Variants in GRID1 observed in about 807,000 individuals in gnomAD.
GRID1 encodes the protein glutamate ionotropic receptor delta type subunit 1.
GRID1 carries 28 observed loss-of-function variants against 98.0 expected under a neutral mutation model. The ratio of observed to expected loss-of-function variants is 0.29; its 90% CI spans 0.21 to 0.39. GRID1 has a LOEUF of 0.39. Ranked by LOEUF, GRID1 falls within the 10% of genes least tolerant of loss-of-function variation. The pLI, the probability that GRID1 is intolerant of heterozygous loss-of-function variation, is 1.00. For synonymous variants in GRID1, 553 were observed against 538.5 expected, an observed-to-expected ratio of 1.03 and a Z score of -0.37; for missense variants, 1,111 against 1,340.5, an observed-to-expected ratio of 0.83 and a Z score of 2.67.
chr10:85,869,003 C>T lies in GRID1; in HGVS notation c.951+7G>A, dbSNP rs757144456. 6.2e-7 allele frequency: 1 copy of T among 1,612,224 alleles called. No homozygotes were observed. Among genetic ancestry groups the T allele is most frequent in the African/African-American group, 1.3e-5 (1 of 74,980 alleles). ...AGGGGACTGGAGAGAAGAGGCTGAG[C>T]ACTGACCTGCAGCATCTGGAGGTAG... On this transcript the variant is annotated splice_region_variant and intron_variant, in intron 6 of 15. Transcript: ENST00000327946.
intron 2 of GRID1, among the ~76,000 whole-genome samples, chr10:86,331,738 A>G (rs1419545323): frequency 1.3e-5 from 2 of 152,212 alleles, no homozygotes; most frequent in Non-Finnish European, 2.9e-5. Context: ...CAAGTGTCTG[A>G]GTTTCCATTT....
At chr10:85,905,221 G>A (rs766881959) in intron 5 of GRID1, among the ~76,000 whole-genome samples, 2 of 151,888 alleles carry the variant, frequency 1.3e-5, no homozygotes, top group Non-Finnish European at 2.9e-5. Context: ...AGATAGTAAG[G>A]CAACATTTTT....
chr10:85,762,527 G>T (rs950796803), intron 8 of GRID1, among the ~76,000 whole-genome samples: 3 of 152,282 alleles, frequency 2.0e-5, no homozygotes, highest in African/African-American at 7.2e-5. Flanking sequence ...CCTTGAATTT[G>T]TGAGTTGCTC....
At chr10:85,816,735 T>C (rs1348305188) in intron 8 of GRID1, among the ~76,000 whole-genome samples, 2 of 150,234 alleles carry the variant, frequency 1.3e-5, no homozygotes, top group Admixed American at 6.7e-5. Flanking sequence ...CGGGTGTACA[T>C]GTGCAGGTTT....
At chr10:86,282,611 T>C (rs1038708944) in intron 2 of GRID1, among the ~76,000 whole-genome samples, 2 of 152,140 alleles carry the variant, frequency 1.3e-5, no homozygotes, top group Non-Finnish European at 1.5e-5. Flanking sequence ...AGCAAGACCA[T>C]TTAAGCATGG....
intron 15 of GRID1, among the ~76,000 whole-genome samples, chr10:85,610,856 T>A (rs1198205319): frequency 6.6e-6 from 1 of 152,218 alleles, no homozygotes; most frequent in Non-Finnish European, 1.5e-5. Flanking sequence ...AACATTTCCA[T>A]GCAACCCTTC....
chr10:86,233,797 A>G (rs889238414), intron 2 of GRID1, among the ~76,000 whole-genome samples: 4 of 151,994 alleles, frequency 2.6e-5, no homozygotes, highest in Admixed American at 6.6e-5. Flanking sequence ...ACTGGAGACA[A>G]TTGGGCCCTC....
At chr10:86,036,716 A>C (rs1254115145) in intron 4 of GRID1, among the ~76,000 whole-genome samples, 1 of 152,138 alleles carries the variant, frequency 6.6e-6, no homozygotes, top group East Asian at 1.9e-4. Context: ...TCCACCGCCC[A>C]CTTGGTGAAA....
chr10:86,295,813 G>A (rs1393990763), intron 2 of GRID1, among the ~76,000 whole-genome samples: 4 of 152,170 alleles, frequency 2.6e-5, no homozygotes, highest in Non-Finnish European at 5.9e-5. Flanking sequence ...AAAAGGACCA[G>A]GAGGAAGACA....
At chr10:86,075,185 C>T (rs1057504807) in intron 4 of GRID1, among the ~76,000 whole-genome samples, 1 of 146,002 alleles carries the variant, frequency 6.8e-6, no homozygotes, top group African/African-American at 2.6e-5. Flanking sequence ...GTGTCCCCTT[C>T]CAAAATTCAT....
At chr10:85,603,074 G>A (rs1324392982) in intron 15 of GRID1, among the ~76,000 whole-genome samples, 1 of 152,222 alleles carries the variant, frequency 6.6e-6, no homozygotes. Context: ...AATAGTCCTT[G>A]AGCCCCTAAG....
intron 3 of GRID1, among the ~76,000 whole-genome samples, chr10:86,146,522 C>A (rs1418441794): frequency 6.6e-6 from 1 of 152,190 alleles, no homozygotes; most frequent in African/African-American, 2.4e-5. Context: ...GAACTACCTG[C>A]TGTGGCTCCA....
At chr10:85,633,134 T>A (rs1048036855) in intron 13 of GRID1, among the ~76,000 whole-genome samples, 1 of 152,162 alleles carries the variant, frequency 6.6e-6, no homozygotes, top group African/African-American at 2.4e-5. Context: ...TTCACCATGT[T>A]GTCCAGGCTG....
intron 4 of GRID1, among the ~76,000 whole-genome samples, chr10:86,131,967 C>T (rs75786471): frequency 0.026 from 3,899 of 152,180 alleles, 177 homozygotes; most frequent in African/African-American, 0.088. Context: ...CCTTAGCATT[C>T]CCAGATCACA....
At chr10:85,680,440 C>T (rs1002589413) in intron 12 of GRID1, among the ~76,000 whole-genome samples, 7 of 152,204 alleles carry the variant, frequency 4.6e-5, no homozygotes, top group African/African-American at 1.4e-4. Flanking sequence ...CATCCATCTG[C>T]CATTCAGCAT....
chr10:85,727,918 G>A lies in GRID1; in HGVS notation c.1470C>T (p.Gly490=), dbSNP rs760141929. 1 of 1,613,932 alleles carries A rather than the reference G, an allele frequency of 6.2e-7. No homozygotes were observed. Among genetic ancestry groups the A allele is most frequent in the South Asian group, 1.1e-5 (1 of 91,068 alleles). The stretch of plus-strand genomic sequence containing the variant: ...TGTTATGGAGCTGGTGACCGTACCT[G>A]CCATCAGGGGCTTGGTAAATCTCAT... ...FKYEIYQAPD[G]RYGHQLHNTS... The change falls in exon 10 of 16, where the codon GGC becomes GGT. Residue 490 remains glycine (G), a synonymous_variant. Coordinates refer to ENST00000327946, the MANE Select transcript of GRID1 (RefSeq NM_017551.3).
At chr10:85,670,449 C>T (rs953466000) in intron 12 of GRID1, among the ~76,000 whole-genome samples, 3 of 152,120 alleles carry the variant, frequency 2.0e-5, no homozygotes, top group Non-Finnish European at 4.4e-5. Context: ...CACTGCTTTT[C>T]AAGAAAAGGA....
chr10:85,608,845 G>A (rs745323790), intron 15 of GRID1, among the ~76,000 whole-genome samples: 14 of 152,208 alleles, frequency 9.2e-5, no homozygotes, highest in East Asian at 1.9e-4. Context: ...ACTGGAGGCC[G>A]TGGGCTGAAA....
At position 85,619,840 on chromosome 10, in the gene GRID1, G is replaced by C. The variant is rs142056045; in HGVS notation, c.2360+27C>G. The C allele has an allele frequency of 1.3e-5, 20 of 1,585,596 alleles. No homozygotes were observed. In the African/African-American group the frequency reaches 2.6e-4, roughly 20 times the overall value. On this transcript the variant is annotated intron_variant, in intron 14 of 15. Transcript: ENST00000327946. ...TTGACCACTAGAGTCCTGAGGCAGCGGTAGTTACCTTGCTGCCCAAGCCTA... is the reference window on the plus strand; with the variant it reads ...TTGACCACTAGAGTCCTGAGGCAGCCGTAGTTACCTTGCTGCCCAAGCCTA...
Sources: gnomAD v4.1 joint callset for allele counts (sites outside exome capture counted in the v4.1 genomes callset) on GRCh38, gnomAD v4.1.1 for gene constraint, MANE v1.5 for transcripts, NCBI Gene and HGNC (gene_info 2026-07-23, HGNC 2026-07-21) for gene names.